The following SLC16A3 variants were observed in gnomAD, a reference collection of about 807,000 sequenced individuals.
SLC16A3 encodes solute carrier family 16 member 3.
In SLC16A3, 22 loss-of-function variants were observed where a neutral mutation model predicts 25.0. The observed-to-expected ratio is 0.88, with a 90% CI of 0.63 to 1.26. SLC16A3 has a LOEUF of 1.26. SLC16A3 is among the 50% of genes most tolerant of loss of function. SLC16A3 has a pLI of 0.00. For missense variants in SLC16A3, 731 were observed against 666.6 expected (o/e 1.10, Z -1.06); for synonymous variants, 390 against 309.2 (o/e 1.26, Z -2.74).
chr17:82,235,851 G>T, intron 1 of SLC16A3, 132 bp from the exon 2 acceptor site: 1 of 636,212 alleles, frequency 1.6e-6, no homozygotes, highest in South Asian at 1.8e-5. Context: ...AGGTCAGGGG[G>T]CCACAAGTGT....
chr17:82,233,019 G>A (rs565506498), intron 1 of SLC16A3, among the ~76,000 whole-genome samples: 194 of 152,232 alleles, frequency 1.3e-3, no homozygotes, highest in African/African-American at 4.6e-3. Context: ...AGGCAGGACA[G>A]CCCCAGGGTT....
chr17:82,225,490 G>A (rs1410683610), upstream of SLC16A3, among the ~76,000 whole-genome samples: 3 of 152,212 alleles, frequency 2.0e-5, no homozygotes, highest in Non-Finnish European at 2.9e-5. Context: ...GTGGCCACAG[G>A]TGTGGAATGA....
upstream of SLC16A3, among the ~76,000 whole-genome samples, chr17:82,227,563 G>A (rs369129750): frequency 1.4e-3 from 185 of 134,022 alleles, 2 homozygotes; most frequent in African/African-American, 6.5e-3. Context: ...GCCTGGTGCA[G>A]GAAGATGGGA....
intron 1 of SLC16A3, among the ~76,000 whole-genome samples, chr17:82,218,308 T>G (rs1205415042): frequency 1.5e-3 from 70 of 45,856 alleles, no homozygotes; most frequent in East Asian, 3.0e-3. Context: ...CACTGCGGGG[T>G]GGACGGCCAA....
At chr17:82,238,077 G>A (rs1171144793) in intron 4 of SLC16A3, among the ~76,000 whole-genome samples, 184 bp downstream of exon 4, 1 of 152,230 alleles carries the variant, frequency 6.6e-6, no homozygotes, top group Non-Finnish European at 1.5e-5. Flanking sequence ...TTAGGAGTGG[G>A]GTGCTCCGTC....
chr17:82,222,393 C>T (rs774897166), intron 1 of SLC16A3, among the ~76,000 whole-genome samples: 8 of 152,248 alleles, frequency 5.3e-5, no homozygotes, highest in Admixed American at 2.0e-4. Context: ...CAGGAATGTC[C>T]GTGGCACCAC....
chr17:82,238,722 C>A lies in SLC16A3; in HGVS notation c.1144C>A (p.His382Asn), dbSNP rs1200109860. The change falls in exon 5 of 5, where the codon CAC becomes AAC. Residue 382 changes from histidine (H) to asparagine (N), a missense_variant. Coordinates refer to ENST00000582743, the MANE Select transcript of SLC16A3 (RefSeq NM_004207.4). ...PSGGKLLDAT[H>N]VYMYVFILAG... ...CGCAGGCAAACTCCTGGATGCGACC[C>A]ACGTCTACATGTACGTGTTCATCCT... is the stretch of plus-strand genomic sequence containing the variant. 1.9e-6 allele frequency: 3 copies of A among 1,611,122 alleles called. No individual in the cohort carries two copies. The highest frequency in any genetic ancestry group is 2.5e-6 in the Non-Finnish European group (3 of 1,179,366).
At chr17:82,225,145 C>T (rs1452856816), upstream of SLC16A3, among the ~76,000 whole-genome samples, 1 of 152,154 alleles carries the variant, frequency 6.6e-6, no homozygotes, top group Non-Finnish European at 1.5e-5. Context: ...GCCGGTAACC[C>T]CAGCTACTCA....
intron 2 of SLC16A3, 114 bp from the exon 3 acceptor site, chr17:82,236,615 C>A: frequency 1.4e-6 from 2 of 1,452,736 alleles, no homozygotes; most frequent in Non-Finnish European, 1.9e-6. Context: ...TGGTGCCCCG[C>A]GGGGGGAGGG....
chr17:82,238,993 G>A lies in SLC16A3; in HGVS notation c.*17G>A, dbSNP rs372440641. Reference sequence around the variant, plus strand: ...AGTGTCTGAGTGGCTGGGCGGGGCCGGCAGGCACAGGGAGGAGGTACAGAA... The same window carrying A: ...AGTGTCTGAGTGGCTGGGCGGGGCCAGCAGGCACAGGGAGGAGGTACAGAA... On this transcript the variant is annotated 3_prime_UTR_variant, in exon 5 of 5. Transcript: ENST00000582743. 19 of 1,505,782 alleles carry A rather than the reference G, an allele frequency of 1.3e-5. No individual in the cohort carries two copies. The highest frequency in any genetic ancestry group is 1.8e-4 in the Middle Eastern group (1 of 5,482). The allele number at this position is 1,505,782 out of a possible 1,614,324, so 93.3% of individuals were successfully genotyped here.
Position 82,236,853 on chromosome 17 carries a change from C to T in SLC16A3, c.348C>T (p.Leu116=), listed in dbSNP as rs1472871406. The change falls in exon 3 of 5, where the codon CTC becomes CTT. Residue 116 remains leucine, a synonymous_variant. Coordinates refer to ENST00000582743, the MANE Select transcript of SLC16A3 (RefSeq NM_004207.4). ...GCCGGAGCATCATCCAGGTCTACCT[C>T]ACCACTGGGGTCATCACGGGTGAGT... ...SFCRSIIQVY[L]TTGVITGLGL... 2.5e-6 allele frequency: 4 copies of T among 1,606,644 alleles called. No homozygotes were observed. The highest frequency in any genetic ancestry group is 3.4e-6 in the Non-Finnish European group (4 of 1,179,812).
chr17:82,232,918 C>CGGCG (rs1555787461), intron 1 of SLC16A3, among the ~76,000 whole-genome samples: 5 of 47,244 alleles, frequency 1.1e-4, no homozygotes, highest in Admixed American at 7.1e-4. Context: ...TGGGGGGCGG[C>CGGCG]GGGGGGGGGG....
chr17:82,222,921 C>T (rs1184176660), intron 1 of SLC16A3, among the ~76,000 whole-genome samples: 1 of 152,094 alleles, frequency 6.6e-6, no homozygotes, highest in Non-Finnish European at 1.5e-5. Flanking sequence ...CCCTGCAGGG[C>T]TCCATTCACA....
intron 1 of SLC16A3, 24 bp from the exon 2 acceptor site, chr17:82,235,959 G>T: frequency 6.6e-7 from 1 of 1,519,048 alleles, no homozygotes; most frequent in Non-Finnish European, 9.0e-7. Context: ...CGGGCAGCCT[G>T]AGTCAGCCTG....
intron 1 of SLC16A3, chr17:82,229,803 G>A (rs1258835525): frequency 6.6e-6 from 1 of 152,322 alleles, no homozygotes; most frequent in Non-Finnish European, 1.5e-5. Context: ...GGGTTGGTCA[G>A]GAGCCTCCCT....
chr17:82,238,427 G>A (rs891669860), intron 4 of SLC16A3, among the ~76,000 whole-genome samples: 3 of 152,310 alleles, frequency 2.0e-5, no homozygotes, highest in East Asian at 1.9e-4. Flanking sequence ...GGGGGACTCC[G>A]TGGGGACCAG....
chr17:82,236,836 A>G lies in SLC16A3; in HGVS notation c.331A>G (p.Ile111Val), dbSNP rs1238661093. The change falls in exon 3 of 5, where the codon ATC becomes GTC. Residue 111 changes from isoleucine to valine, a missense_variant. Physicochemically the swap from Ile to Val is conservative, Grantham distance 29 (BLOSUM62 3). Transcript: ENST00000582743. ...GGTGGCTGCGTCCTTTTGCCGGAGC[A>G]TCATCCAGGTCTACCTCACCACTGG... ...GMVAASFCRS[I>V]IQVYLTTGVI... is the part of the protein sequence containing the mutation. 1 of 1,607,482 alleles carries G rather than the reference A, an allele frequency of 6.2e-7. No homozygotes were observed.
At chr17:82,230,558 G>C (rs921333645) in intron 1 of SLC16A3, 1 of 152,748 alleles carries the variant, frequency 6.5e-6, no homozygotes, top group East Asian at 1.9e-4. Context: ...CCGTCAGGCC[G>C]GACGGGTCCC....
Position 82,239,974 on chromosome 17 carries a change from C to T in SLC16A3, c.*998C>T. The T allele has an allele frequency of 8.1e-7, 1 of 1,233,392 alleles. No homozygotes were observed. The highest frequency in any genetic ancestry group is 1.0e-6 in the Non-Finnish European group (1 of 987,568). 76.4% of individuals were successfully genotyped at this position (1,233,392 alleles called of 1,614,324 possible). A position where few individuals can be genotyped will look rare whatever the true frequency, so the allele number is the denominator to read the frequency against. On this transcript the variant is annotated 3_prime_UTR_variant, in exon 5 of 5. Transcript: ENST00000582743. ...GAGCCCGGTCAGAGGCCGCCGGGGCCCTCAGTAGGTGCGTCGTGGGCGCTG... is the reference window on the plus strand; with the variant it reads ...GAGCCCGGTCAGAGGCCGCCGGGGCTCTCAGTAGGTGCGTCGTGGGCGCTG...
Sources: gnomAD v4.1 joint callset for allele counts (sites outside exome capture counted in the v4.1 genomes callset) on GRCh38, gnomAD v4.1.1 for gene constraint, MANE v1.5 for transcripts, NCBI Gene and HGNC (gene_info 2026-07-23, HGNC 2026-07-21) for gene names.